The following TUB variants were observed in gnomAD, a reference collection of about 807,000 sequenced individuals.
TUB encodes TUB bipartite transcription factor.
In TUB, 33 loss-of-function variants were observed where a neutral mutation model predicts 59.7. The observed-to-expected ratio is 0.55, with a 90% CI of 0.42 to 0.74. The LOEUF (loss-of-function observed/expected upper bound fraction) is 0.74, where lower values mean the gene tolerates loss of function less well. Ranked by LOEUF, TUB falls within the 30% of genes least tolerant of loss-of-function variation. The pLI, the probability that TUB is intolerant of heterozygous loss-of-function variation, is 0.00. For synonymous variants in TUB, 293 were observed against 256.4 expected (o/e 1.14, Z -1.36); for missense variants, 659 against 672.0 (o/e 0.98, Z 0.21).
chr11:8,097,262 A>G lies in TUB; in HGVS notation c.722A>G (p.Glu241Gly), dbSNP rs910286343. The G allele has an allele frequency of 1.2e-6, 2 of 1,614,054 alleles. No individual in the cohort carries two copies. The highest frequency in any genetic ancestry group is 1.7e-6 in the Non-Finnish European group (2 of 1,180,050). ...TCAGCCCCTAGCCCAACAGCTCCAG[A>G]GCAACCAGTGGACGTTGAGGTCCAG... ...AASAPSPTAPEQPVDVEVQDL... is the reference protein window; with the variant it reads ...AASAPSPTAPGQPVDVEVQDL... The change falls in exon 7 of 12, where the codon GAG (glutamate) becomes GGG (glycine). Residue 241 changes from glutamate (E) to glycine (G), a missense_variant. Coordinates refer to ENST00000299506, the MANE Select transcript of TUB (RefSeq NM_177972.3).
chr11:8,027,704 G>A (rs149013553), intron 1 of TUB, among the ~76,000 whole-genome samples: 18,507 of 152,060 alleles, frequency 0.12, 1,280 homozygotes, highest in Non-Finnish European at 0.13. Context: ...TAGTAGAGAC[G>A]GGGTTTCTCC....
chr11:8,023,864 T>C (rs146481736), intron 1 of TUB, among the ~76,000 whole-genome samples: 4,330 of 152,330 alleles, frequency 0.028, 114 homozygotes, highest in Non-Finnish European at 0.04. Context: ...TTGTCTCCAC[T>C]CAAGCTTCAG....
chr11:8,042,099 A>G (rs918003480), intron 2 of TUB, among the ~76,000 whole-genome samples: 5 of 151,310 alleles, frequency 3.3e-5, no homozygotes, highest in African/African-American at 9.7e-5. Context: ...ACTCCCCCCA[A>G]TGAAAACCCA....
intron 2 of TUB, among the ~76,000 whole-genome samples, chr11:8,056,205 A>G (rs771741159): frequency 6.6e-6 from 1 of 152,130 alleles, no homozygotes; most frequent in Non-Finnish European, 1.5e-5. Flanking sequence ...TGTCACCACG[A>G]GGAAGTGCAC....
At chr11:8,069,957 T>C (rs563843669) in intron 2 of TUB, among the ~76,000 whole-genome samples, 1 of 152,314 alleles carries the variant, frequency 6.6e-6, no homozygotes, top group Admixed American at 6.5e-5. Context: ...CATCCTGGGA[T>C]GTGGGGCAGG....
At chr11:8,046,508 T>C (rs1311249977) in intron 2 of TUB, among the ~76,000 whole-genome samples, 1 of 152,204 alleles carries the variant, frequency 6.6e-6, no homozygotes, top group African/African-American at 2.4e-5. Flanking sequence ...GCCCCAAATC[T>C]TAAAGGCCAC....
intron 1 of TUB, among the ~76,000 whole-genome samples, chr11:8,023,007 T>G (rs1942452251): frequency 6.6e-6 from 1 of 152,214 alleles, no homozygotes; most frequent in Admixed American, 6.5e-5. Context: ...GGGCTGGGCT[T>G]AGCTGGGCAG....
intron 2 of TUB, among the ~76,000 whole-genome samples, chr11:8,057,365 G>C (rs1340790825): frequency 6.6e-6 from 1 of 152,194 alleles, no homozygotes; most frequent in African/African-American, 2.4e-5. Flanking sequence ...TGAACTGGGA[G>C]AGAGGGGAGT....
rs1005591663 is a variant in TUB at position 8,101,085 on chromosome 11, T to C, written c.1387+88T>C. 6 of 1,459,202 alleles carry C rather than the reference T, an allele frequency of 4.1e-6. No individual in the cohort carries two copies. The African/African-American group carries it at 4.2e-5, about 10-fold the overall frequency. 90.4% of individuals were successfully genotyped at this position (1,459,202 alleles called of 1,614,324 possible). ...TCAGCCCACCTAGCCCTGCCTACACTGGCTAGAGTTTAAGAATGTGAGCTA... is the reference window on the plus strand; with the variant it reads ...TCAGCCCACCTAGCCCTGCCTACACCGGCTAGAGTTTAAGAATGTGAGCTA... On this transcript the variant is annotated intron_variant, in intron 11 of 11. Transcript: ENST00000299506.
intron 1 of TUB, among the ~76,000 whole-genome samples, chr11:8,032,073 G>T: frequency 6.6e-6 from 1 of 152,014 alleles, no homozygotes; most frequent in East Asian, 1.9e-4. Flanking sequence ...AGCCGCGACT[G>T]CACAGAGCCT....
At position 8,101,858 on chromosome 11, in the gene TUB, C is replaced by CCA; in HGVS notation, c.*239_*240insCA. 4.2e-6 allele frequency: 2 copies of CCA among 479,310 alleles called. No homozygotes were observed. Among genetic ancestry groups the CCA allele is most frequent in the South Asian group, 3.7e-5 (1 of 27,010 alleles). 29.7% of individuals were successfully genotyped at this position (479,310 alleles called of 1,614,324 possible). A position where few individuals can be genotyped will look rare whatever the true frequency, so the allele number is the denominator to read the frequency against. On this transcript the variant is annotated 3_prime_UTR_variant, in exon 12 of 12. Transcript: ENST00000299506. ...GGGATGAGAATAATTCTTTCCATGC[C>CCA]ACGAGATCAACACACACTCCCACCC...
chr11:8,089,782 G>A (rs1943736345), intron 2 of TUB, 121 bp downstream of exon 2: 4 of 1,360,646 alleles, frequency 2.9e-6, no homozygotes, highest in African/African-American at 1.4e-5. Flanking sequence ...GGATTCCCAT[G>A]TGGAAGAAGA....
At position 8,103,065 on chromosome 11, in the gene TUB, G is replaced by C. The variant is rs1176709967; in HGVS notation, c.*1446G>C. ...CTTTTTGCACGTGAGTATGATCCAG[G>C]ATTGGCCTGTGTCTGGCCCCTCCGC... On this transcript the variant is annotated 3_prime_UTR_variant, in exon 12 of 12. Coordinates refer to ENST00000299506, the MANE Select transcript of TUB (RefSeq NM_177972.3). The C allele has an allele frequency of 2.0e-5, 3 of 152,242 alleles. No individual in the cohort carries two copies. Among genetic ancestry groups the C allele is most frequent in the Non-Finnish European group, 4.4e-5 (3 of 68,090 alleles). 9.4% of individuals were successfully genotyped at this position (152,242 alleles called of 1,614,324 possible). A position where few individuals can be genotyped will look rare whatever the true frequency, so the allele number is the denominator to read the frequency against.
At chr11:8,020,847 A>G (rs1435918588) in intron 1 of TUB, among the ~76,000 whole-genome samples, 1 of 152,162 alleles carries the variant, frequency 6.6e-6, no homozygotes, top group African/African-American at 2.4e-5. Context: ...ACATTCATTC[A>G]TTTATTCAAC....
chr11:8,053,976 C>T (rs1246137755), intron 2 of TUB, among the ~76,000 whole-genome samples: 3 of 151,600 alleles, frequency 2.0e-5, no homozygotes, highest in Non-Finnish European at 2.9e-5. Context: ...ATTAGCCAGA[C>T]GTGGTGGCGG....
At chr11:8,090,965 C>T (rs78925430) in intron 3 of TUB, among the ~76,000 whole-genome samples, 3,896 of 152,214 alleles carry the variant, frequency 0.026, 172 homozygotes, top group African/African-American at 0.088. Flanking sequence ...CCACTGCCCC[C>T]TGCTGGTGCT....
At position 8,094,094 on chromosome 11, in the gene TUB, C is replaced by G. The variant is rs1472069710; in HGVS notation, c.302C>G (p.Pro101Arg). 6.2e-7 allele frequency: 1 copy of G among 1,614,176 alleles called. No homozygotes were observed. Among genetic ancestry groups the G allele is most frequent in the Non-Finnish European group, 8.5e-7 (1 of 1,180,030 alleles). The change falls in exon 4 of 12, where the codon CCA becomes CGA. Residue 101 changes from proline to arginine, a missense_variant. Transcript: ENST00000299506. ...LASVQLGATR[P>R]TAPASAKRTK... is the part of the protein sequence containing the mutation. Reference sequence around the variant, plus strand: ...AGTGTGCAGCTGGGAGCCACGCGCCCAACAGCACCAGCTTCAGCCAAGAGA... The same window carrying G: ...AGTGTGCAGCTGGGAGCCACGCGCCGAACAGCACCAGCTTCAGCCAAGAGA...
At chr11:8,092,638 A>G (rs773565582) in intron 3 of TUB, among the ~76,000 whole-genome samples, 13 of 152,130 alleles carry the variant, frequency 8.5e-5, no homozygotes, top group African/African-American at 2.9e-4. Context: ...CCTTTTTCAC[A>G]GAGGACATTT....
intron 2 of TUB, among the ~76,000 whole-genome samples, chr11:8,065,194 T>C (rs529953728): frequency 3.9e-5 from 6 of 152,226 alleles, no homozygotes; most frequent in South Asian, 4.2e-4. Flanking sequence ...AAGGAGGAAG[T>C]GTGCATGTTG....
Sources: gnomAD v4.1 joint callset for allele counts (sites outside exome capture counted in the v4.1 genomes callset) on GRCh38, gnomAD v4.1.1 for gene constraint, MANE v1.5 for transcripts, NCBI Gene and HGNC (gene_info 2026-07-23, HGNC 2026-07-21) for gene names.